Variants in NAV2 observed in about 807,000 individuals in gnomAD.
NAV2 encodes helicase, APC down-regulated 1.
A neutral mutation model predicts 223.2 loss-of-function variants in NAV2; 54 were observed. The ratio of observed to expected loss-of-function variants is 0.24; its 90% CI spans 0.19 to 0.30. The LOEUF (loss-of-function observed/expected upper bound fraction) is 0.30, where lower values mean the gene tolerates loss of function less well. Ranked by LOEUF, NAV2 falls within the 10% of genes least tolerant of loss-of-function variation. The pLI, the probability that NAV2 is intolerant of heterozygous loss-of-function variation, is 1.00. For missense variants in NAV2, 2,806 were observed against 3,147.5 expected (o/e 0.89, Z 2.60); for synonymous variants, 1,279 against 1,239.3 (o/e 1.03, Z -0.67).
rs1480870563 is a variant in NAV2, at chr11:20,080,136, A to G, written c.5252A>G (p.Asn1751Ser). The stretch of plus-strand genomic sequence containing the variant: ...TCCTCAGACAGCGTCTCCAGCATCA[A>G]CAGTGCCACCAGCCACTCCAGCGTG... ...QHSSDSVSSINSATSHSSVGS... is the reference protein window; with the variant it reads ...QHSSDSVSSISSATSHSSVGS... The change falls in exon 25 of 38, where the codon AAC becomes AGC. Residue 1751 changes from asparagine to serine, a missense_variant. Coordinates refer to ENST00000349880, the MANE Select transcript of NAV2 (RefSeq NM_145117.5). The G allele has an allele frequency of 6.2e-7, 1 of 1,613,986 alleles. No individual in the cohort carries two copies. The highest frequency in any genetic ancestry group is 1.1e-5 in the South Asian group (1 of 91,078).
At chr11:19,627,217 G>A (rs552133809) in intron 1 of NAV2, among the ~76,000 whole-genome samples, 25 of 152,216 alleles carry the variant, frequency 1.6e-4, no homozygotes, top group African/African-American at 4.6e-4. Context: ...GCGAAACCCC[G>A]TCTGTATTAA....
At chr11:19,932,368 C>T (rs1385277877) in intron 6 of NAV2, among the ~76,000 whole-genome samples, 1 of 151,518 alleles carries the variant, frequency 6.6e-6, no homozygotes, top group Non-Finnish European at 1.5e-5. Context: ...CAGAGTCTCA[C>T]TCTTTTTCCC....
intron 1 of NAV2, among the ~76,000 whole-genome samples, chr11:19,410,346 AAT>A (rs1406326653): frequency 6.6e-6 from 1 of 152,226 alleles, no homozygotes; most frequent in Non-Finnish European, 1.5e-5. Flanking sequence ...CACACGCTTA[AAT>A]AATGTTAAGT....
intron 1 of NAV2, among the ~76,000 whole-genome samples, chr11:19,747,212 A>G (rs1047241232): frequency 1.3e-5 from 2 of 151,864 alleles, no homozygotes; most frequent in African/African-American, 2.4e-5. Flanking sequence ...GTCCCTATAA[A>G]GGACACGAAC....
At chr11:20,093,398 G>A (rs760817323) in intron 29 of NAV2, among the ~76,000 whole-genome samples, 199 bp downstream of exon 29, 16 of 152,044 alleles carry the variant, frequency 1.1e-4, no homozygotes, top group Admixed American at 3.3e-4. Flanking sequence ...TCCCTTTCTC[G>A]TGTGCTTGAA....
At chr11:19,460,569 T>C (rs926917520) in intron 1 of NAV2, among the ~76,000 whole-genome samples, 31 of 148,734 alleles carry the variant, frequency 2.1e-4, no homozygotes, top group Admixed American at 1.2e-3. Context: ...AAACACCGCA[T>C]GTTCTCACTC....
chr11:19,776,577 G>GGTGTGTGTGTGTGTGTGTGTGTGTGT (rs71050684), intron 1 of NAV2, among the ~76,000 whole-genome samples: 9 of 116,120 alleles, frequency 7.8e-5, no homozygotes, highest in Non-Finnish European at 1.4e-4. Context: ...CTGGGGCAGG[G>GGTGTGTGTGTGTGTGTGTGTGTGTGT]GTGTGTGTGT....
intron 1 of NAV2, among the ~76,000 whole-genome samples, chr11:19,371,527 G>A (rs1339061223): frequency 6.6e-6 from 1 of 152,208 alleles, no homozygotes; most frequent in Non-Finnish European, 1.5e-5. Context: ...ACCAGGGATT[G>A]TGCTGTGTGC....
chr11:19,409,134 G>T (rs1404600686), intron 1 of NAV2, among the ~76,000 whole-genome samples: 2 of 152,152 alleles, frequency 1.3e-5, no homozygotes, highest in East Asian at 3.8e-4. Context: ...TTCCCTTGGT[G>T]AGCAAATCAT....
chr11:20,048,633 AAT>A lies in NAV2; in HGVS notation c.3903-94_3903-93del, dbSNP rs1434170793. 2.9e-6 allele frequency: 3 copies of A among 1,034,674 alleles called. No individual in the cohort carries two copies. In the East Asian group the frequency reaches 7.2e-5, roughly 25 times the overall value. The allele number at this position is 1,034,674 out of a possible 1,614,324, so 64.1% of individuals were successfully genotyped here. On this transcript the variant is annotated intron_variant, in intron 14 of 37. Coordinates refer to ENST00000349880, the MANE Select transcript of NAV2 (RefSeq NM_145117.5). The stretch of plus-strand genomic sequence containing the variant: ...GAATGGCTGTGCTTCCTTCCCCAGG[AAT>A]TCTCACCAACTCCTCTGCCCTACCC...
intron 36 of NAV2, among the ~76,000 whole-genome samples, chr11:20,109,570 G>C (rs116908901): frequency 0.016 from 2,376 of 152,328 alleles, 31 homozygotes; most frequent in Non-Finnish European, 0.019. Flanking sequence ...GATTCTTGCA[G>C]TCTGTCTCAT....
At chr11:19,595,263 A>G (rs887126229) in intron 1 of NAV2, among the ~76,000 whole-genome samples, 5 of 152,176 alleles carry the variant, frequency 3.3e-5, no homozygotes, top group Admixed American at 3.3e-4. Context: ...GCATGTAACC[A>G]TGACCAGGGA....
intron 10 of NAV2, among the ~76,000 whole-genome samples, chr11:19,955,159 C>A (rs890121100): frequency 6.6e-6 from 1 of 152,036 alleles, no homozygotes; most frequent in African/African-American, 2.4e-5. Context: ...GCAATCCCAG[C>A]ACTTTGGGAG....
intron 22 of NAV2, among the ~76,000 whole-genome samples, chr11:20,070,371 T>C (rs1272823328): frequency 2.6e-5 from 4 of 152,214 alleles, no homozygotes; most frequent in African/African-American, 9.7e-5. Flanking sequence ...TTGCCTTTAC[T>C]AATCAACAAA....
At chr11:19,566,122 G>T (rs1220197792) in intron 1 of NAV2, among the ~76,000 whole-genome samples, 1 of 150,432 alleles carries the variant, frequency 6.6e-6, no homozygotes, top group Admixed American at 6.7e-5. Flanking sequence ...AAGCTGGAGT[G>T]CAGTGGCACC....
chr11:19,539,001 G>C (rs1323024193), intron 1 of NAV2, among the ~76,000 whole-genome samples: 1 of 151,996 alleles, frequency 6.6e-6, no homozygotes, highest in Admixed American at 6.6e-5. Flanking sequence ...GCATATAATA[G>C]GTACTTGGTA....
chr11:19,413,494 A>T (rs1850232219), intron 1 of NAV2, among the ~76,000 whole-genome samples: 1 of 152,200 alleles, frequency 6.6e-6, no homozygotes. Context: ...AAGTTGGTAA[A>T]CACTCTTCAG....
intron 1 of NAV2, among the ~76,000 whole-genome samples, chr11:19,725,955 G>A (rs918813564): frequency 6.6e-6 from 1 of 152,232 alleles, no homozygotes; most frequent in Non-Finnish European, 1.5e-5. Flanking sequence ...GCGAGGCCAG[G>A]CTGGCTGGGC....
chr11:19,381,379 T>A (rs1284952508), intron 1 of NAV2, among the ~76,000 whole-genome samples: 1 of 152,246 alleles, frequency 6.6e-6, no homozygotes, highest in African/African-American at 2.4e-5. Flanking sequence ...TTTATTTAAT[T>A]ACATAAATAT....
Sources: allele counts gnomAD v4.1 joint callset (sites outside exome capture counted in the v4.1 genomes callset), GRCh38; gene constraint gnomAD v4.1.1; transcripts MANE v1.5; gene names NCBI Gene and HGNC (gene_info 2026-07-23, HGNC 2026-07-21).